STRN4: variants seen among roughly 807,000 people sequenced by gnomAD.
STRN4 encodes the protein striatin 4, also known as striatin-4.
Under a neutral mutation model 77.9 loss-of-function variants are expected in STRN4, and 27 were observed. The ratio of observed to expected loss-of-function variants is 0.35; its 90% CI spans 0.26 to 0.48. STRN4 has a LOEUF of 0.48. Among genes scored for constraint, STRN4 ranks in the 20% least tolerant of loss-of-function variants. The pLI, the probability that STRN4 is intolerant of heterozygous loss-of-function variation, is 0.99. For missense variants in STRN4, 798 were observed against 1,049.7 expected, an observed-to-expected ratio of 0.76 and a Z score of 3.31; for synonymous variants, 466 against 443.1, an observed-to-expected ratio of 1.05 and a Z score of -0.65.
intron 5 of STRN4, 123 bp downstream of exon 5, chr19:46,732,916 A>C: frequency 1.7e-6 from 2 of 1,182,816 alleles, no homozygotes; most frequent in Non-Finnish European, 2.3e-6. Flanking sequence ...AAGGGAGCCC[A>C]CGGCATACTC....
chr19:46,727,741 G>A (rs893206322), intron 8 of STRN4, 153 bp downstream of exon 8: 1 of 778,648 alleles, frequency 1.3e-6, no homozygotes. Flanking sequence ...AAAAGAGAGG[G>A]AGACAGACAG....
intron 16 of STRN4, chr19:46,721,760 C>T (rs1017114765): frequency 1.5e-4 from 82 of 531,864 alleles, no homozygotes; most frequent in Non-Finnish European, 2.5e-4. Context: ...AAAGTACCAA[C>T]CGCACAGGCT....
At position 46,733,629 on chromosome 19, in the gene STRN4, G is replaced by C. The variant is rs2054300751; in HGVS notation, c.540-393C>G. On this transcript the variant is annotated intron_variant, in intron 4 of 17. Transcript: ENST00000263280. This position sits in a 1 kb window ranked among gnomAD's most constrained non-coding sequence, Gnocchi z 4.3. ...AAACGCTAAGTTCTATGATCCACAT[G>C]ATGCCAATGTTTGTAGAAAAAAACA... Among the ~76,000 whole-genome samples the C allele has an allele frequency of 6.6e-6, 1 of 152,118 alleles. No homozygotes were observed. The highest frequency in any genetic ancestry group is 2.1e-4 in the South Asian group (1 of 4,828).
Position 46,738,718 on chromosome 19 carries a change from G to T in STRN4, c.386+67C>A. ...CCCTTAGCTGGAAGGAGGCGTGGCT[G>T]GTGGCCTCCTGACACTGTGCTTGAG... is the stretch of plus-strand genomic sequence containing the variant. On this transcript the variant is annotated intron_variant, in intron 2 of 17. Coordinates refer to ENST00000263280, the MANE Select transcript of STRN4 (RefSeq NM_013403.3). This position sits in a 1 kb window ranked among gnomAD's most constrained non-coding sequence, Gnocchi z 4.5. The T allele has an allele frequency of 6.8e-7, 1 of 1,464,218 alleles. No homozygotes were observed. Among genetic ancestry groups the T allele is most frequent in the Non-Finnish European group, 9.6e-7 (1 of 1,045,332 alleles). The allele number at this position is 1,464,218 out of a possible 1,614,324, so 90.7% of individuals were successfully genotyped here.
chr19:46,728,136 G>A lies in STRN4; in HGVS notation c.1040-129C>T, dbSNP rs959535212. On this transcript the variant is annotated intron_variant, in intron 7 of 17. Coordinates refer to ENST00000263280, the MANE Select transcript of STRN4 (RefSeq NM_013403.3). ...CTGTGAAGCTCTGGCCCTGGGGGAG[G>A]GGGGGAATGGGCAGAGGAGAGGAGG... The A allele has an allele frequency of 4.6e-6, 4 of 871,662 alleles. No homozygotes were observed. The African/African-American group carries it at 5.0e-5, about 11-fold the overall frequency. The allele number at this position is 871,662 out of a possible 1,614,324, so 54.0% of individuals were successfully genotyped here.
intron 9 of STRN4, chr19:46,725,851 C>G (rs541585094): frequency 2.1e-5 from 14 of 665,328 alleles, no homozygotes; most frequent in Admixed American, 8.9e-5. Context: ...CCCCACACTG[C>G]GCTGGGTTCT....
At chr19:46,735,147 A>C (rs977812360) in intron 4 of STRN4, among the ~76,000 whole-genome samples, 8 of 152,024 alleles carry the variant, frequency 5.3e-5, no homozygotes, top group Admixed American at 3.3e-4. Flanking sequence ...CTTTACTAAA[A>C]ATACAAAAAT....
intron 4 of STRN4, among the ~76,000 whole-genome samples, chr19:46,734,537 G>A (rs2054318741): frequency 6.6e-6 from 1 of 152,282 alleles, no homozygotes; most frequent in Middle Eastern, 3.4e-3. Flanking sequence ...TGACCATGGA[G>A]AGTTATGGTT....
chr19:46,740,611 T>C (rs953828732), intron 1 of STRN4, among the ~76,000 whole-genome samples: 1 of 151,686 alleles, frequency 6.6e-6, no homozygotes, highest in African/African-American at 2.4e-5. Context: ...GGTTTGGTGA[T>C]TGATCCCTCA....
At chr19:46,737,610 T>C (rs1469362192) in intron 3 of STRN4, among the ~76,000 whole-genome samples, 1 of 151,692 alleles carries the variant, frequency 6.6e-6, no homozygotes, top group East Asian at 1.9e-4. Context: ...CCTAACCCTT[T>C]CAGCGTGCGT....
At chr19:46,722,158 GAGC>G in intron 15 of STRN4, 81 bp downstream of exon 15, 1 of 1,597,928 alleles carries the variant, frequency 6.3e-7, no homozygotes. Flanking sequence ...GAGACTCCCA[GAGC>G]CTCCCACAGG....
In STRN4 at chr19:46,725,472, C is replaced by T; in HGVS notation, c.1424+1G>A. 6.2e-7 allele frequency: 1 copy of T among 1,613,982 alleles called. No individual in the cohort carries two copies. The highest frequency in any genetic ancestry group is 8.5e-7 in the Non-Finnish European group (1 of 1,179,948). ...CCCGGCTCTGAGCTTGCTGCCCTCA[C>T]TTCTTGGCCGTGACCGCCTTCTGCA... is the stretch of plus-strand genomic sequence containing the variant. On this transcript the variant is annotated splice_donor_variant, in intron 10 of 17. Coordinates refer to ENST00000263280, the MANE Select transcript of STRN4 (RefSeq NM_013403.3). LOFTEE classifies it high-confidence loss of function.
rs1568406750 is a variant in STRN4 at position 46,741,963 on chromosome 19, C to G, written c.283-3075G>C. ...GCACATTCTCTGCTGGCACCGCACT[C>G]ACTGCAGGTCCCTGTCGCTGCTCCT... On this transcript the variant is annotated intron_variant, in intron 1 of 17. Coordinates refer to ENST00000263280, the MANE Select transcript of STRN4 (RefSeq NM_013403.3). This position sits in a 1 kb window ranked among gnomAD's most constrained non-coding sequence, Gnocchi z 4.9. Among the ~76,000 whole-genome samples the G allele has an allele frequency of 6.6e-6, 1 of 152,242 alleles. No individual in the cohort carries two copies. The highest frequency in any genetic ancestry group is 1.5e-5 in the Non-Finnish European group (1 of 68,040).
chr19:46,746,185 C>T lies in STRN4; in HGVS notation c.246G>A (p.Glu82=). 6.5e-7 allele frequency: 1 copy of T among 1,539,318 alleles called. No homozygotes were observed. The highest frequency in any genetic ancestry group is 8.7e-7 in the Non-Finnish European group (1 of 1,150,944). ...IQHEWARFEA[E]KARWEAERAE... ...CGCGCTCGGCCTCCCAGCGGGCTTT[C>T]TCGGCTTCGAAGCGCGCCCACTCGT... The change falls in exon 1 of 18, where the codon GAG becomes GAA. Residue 82 remains glutamate (E), a synonymous_variant. Coordinates refer to ENST00000263280, the MANE Select transcript of STRN4 (RefSeq NM_013403.3).
chr19:46,740,569 T>C (rs1178963970), intron 1 of STRN4, among the ~76,000 whole-genome samples: 1 of 151,786 alleles, frequency 6.6e-6, no homozygotes, highest in Non-Finnish European at 1.5e-5. Context: ...AAGTCCTGAC[T>C]TTCCTCCTCA....
chr19:46,739,992 A>G (rs2054445312), intron 1 of STRN4, among the ~76,000 whole-genome samples: 1 of 152,194 alleles, frequency 6.6e-6, no homozygotes, highest in Admixed American at 6.5e-5. Flanking sequence ...TCAACTAGAA[A>G]TGTCTGTGGA....
intron 5 of STRN4, chr19:46,731,679 G>T: frequency 6.6e-6 from 1 of 152,430 alleles, no homozygotes. Flanking sequence ...CACTTGCAGC[G>T]GGACACAGGA....
chr19:46,732,801 A>G, intron 5 of STRN4: 1 of 512,466 alleles, frequency 2.0e-6, no homozygotes, highest in South Asian at 2.7e-5. Context: ...CCTGAGTATC[A>G]GGACGGGGGC....
chr19:46,724,429 C>T (rs1202853738), intron 12 of STRN4, among the ~76,000 whole-genome samples: 1 of 152,162 alleles, frequency 6.6e-6, no homozygotes, highest in East Asian at 1.9e-4. Flanking sequence ...GCCCTCCCCT[C>T]AACCACGCAG....
Sources: gnomAD v4.1 joint callset for allele counts (sites outside exome capture counted in the v4.1 genomes callset) on GRCh38, gnomAD v4.1.1 for gene constraint, Gnocchi (gnomAD v3.1) non-coding constraint, MANE v1.5 for transcripts, NCBI Gene and HGNC (gene_info 2026-07-23, HGNC 2026-07-21) for gene names.